The following TOX4 variants were observed in gnomAD, a reference collection of about 807,000 sequenced individuals.
TOX4 encodes the protein epidermal Langerhans cell protein LCP1.
In TOX4, 12 loss-of-function variants were observed where a neutral mutation model predicts 61.0. That is an observed-to-expected ratio of 0.20 (90% confidence interval 0.13 to 0.32). The LOEUF is 0.32. Ranked by LOEUF, TOX4 falls within the 10% of genes least tolerant of loss-of-function variation. The probability of loss-of-function intolerance (pLI) is 1.00; values close to 1 mark genes in which losing one functional copy is unlikely to be tolerated. For missense variants in TOX4, 499 were observed against 753.3 expected, an observed-to-expected ratio of 0.66 and a Z score of 3.95; for synonymous variants, 268 against 274.8, an observed-to-expected ratio of 0.98 and a Z score of 0.24.
rs767260173 is a variant in TOX4 at position 21,498,223 on chromosome 14, T to C, written c.*1617T>C. 6.6e-6 allele frequency: 8 copies of C among 1,206,766 alleles called. No homozygotes were observed. The South Asian group carries it at 9.7e-5, about 15-fold the overall frequency. 74.8% of individuals were successfully genotyped at this position (1,206,766 alleles called of 1,614,324 possible). ...TCTTCAGGTTTAGCTTACAGAGCCATGGCTATGGATTCTTAGCTCTGTAAG... is the reference window on the plus strand; with the variant it reads ...TCTTCAGGTTTAGCTTACAGAGCCACGGCTATGGATTCTTAGCTCTGTAAG... On this transcript the variant is annotated 3_prime_UTR_variant, in exon 9 of 9. Coordinates refer to ENST00000448790, the MANE Select transcript of TOX4 (RefSeq NM_014828.4).
intron 2 of TOX4, among the ~76,000 whole-genome samples, chr14:21,480,435 C>CGGT (rs1284812533): frequency 6.6e-6 from 1 of 151,936 alleles, no homozygotes; most frequent in Non-Finnish European, 1.5e-5. Context: ...CCCTTGGTAG[C>CGGT]GGTGGTAATG....
chr14:21,486,359 G>T (rs571982843), intron 2 of TOX4, among the ~76,000 whole-genome samples: 1 of 106,958 alleles, frequency 9.3e-6, no homozygotes, highest in Admixed American at 8.5e-5. Flanking sequence ...TGGGGTGGGG[G>T]TAATCATTAT....
chr14:21,494,213 C>T (rs546745588), intron 7 of TOX4, among the ~76,000 whole-genome samples: 1 of 152,344 alleles, frequency 6.6e-6, no homozygotes, highest in African/African-American at 2.4e-5. Flanking sequence ...TTTCATTTCT[C>T]CTAGGTCTTA....
chr14:21,494,496 C>G (rs1243251150), intron 7 of TOX4, among the ~76,000 whole-genome samples: 3 of 152,060 alleles, frequency 2.0e-5, no homozygotes, highest in Non-Finnish European at 2.9e-5. Flanking sequence ...GCCTGTAATC[C>G]CAGCACTTTG....
intron 2 of TOX4, among the ~76,000 whole-genome samples, chr14:21,478,870 C>G (rs904367125): frequency 1.3e-5 from 2 of 151,248 alleles, no homozygotes; most frequent in African/African-American, 4.9e-5. Flanking sequence ...GTAGCACGAT[C>G]TTGGCTCACT....
chr14:21,494,872 T>G (rs1277978369), intron 7 of TOX4, among the ~76,000 whole-genome samples: 1 of 152,070 alleles, frequency 6.6e-6, no homozygotes, highest in African/African-American at 2.4e-5. Flanking sequence ...TGAGCTGAGA[T>G]TGTGCCACAG....
At chr14:21,482,857 C>CT (rs11424576) in intron 2 of TOX4, among the ~76,000 whole-genome samples, 75,324 of 150,482 alleles carry the variant, frequency 0.5, 18,878 homozygotes, top group East Asian at 0.63. Context: ...TTACCCTATC[C>CT]TTTTTTTTTA....
chr14:21,479,917 A>T (rs528919834), intron 2 of TOX4, among the ~76,000 whole-genome samples: 55 of 152,250 alleles, frequency 3.6e-4, no homozygotes, highest in African/African-American at 1.3e-3. Flanking sequence ...AAGTTTACCC[A>T]CTGTTCTTAA....
chr14:21,489,149 TTCTC>T lies in TOX4; in HGVS notation c.580-20_580-17del, dbSNP rs763268670. 6.2e-6 allele frequency: 10 copies of T among 1,606,182 alleles called. No individual in the cohort carries two copies. In the South Asian group the frequency reaches 6.7e-5, roughly 11 times the overall value. ...ATACTTGTCATTGTCCATTGTGTAA[TTCTC>T]TCTTTTTTCTCTCCTACAGCAACTT... On this transcript the variant is annotated intron_variant, in intron 4 of 8. Transcript: ENST00000448790.
chr14:21,491,848 A>G (rs1891297492), intron 5 of TOX4, among the ~76,000 whole-genome samples: 2 of 151,358 alleles, frequency 1.3e-5, no homozygotes, highest in African/African-American at 4.8e-5. Context: ...CATCTCTACT[A>G]AAAATACAAA....
chr14:21,488,605 A>T lies in TOX4; in HGVS notation c.334A>T (p.Ile112Leu). Residue 112 changes from isoleucine (I) to leucine (L), a missense_variant, in exon 4 of 9, where the codon ATA becomes TTA. Ile to Leu is a conservative substitution (Grantham distance 5). Transcript: ENST00000448790. ...GGLTMDLDHS[I>L]GTQYSANPPV... ...CTTCTCTCAGGACTTGGACCACTCT[A>T]TAGGAACTCAGTATAGTGCCAACCC... The T allele has an allele frequency of 1.9e-6, 3 of 1,614,148 alleles. No individual in the cohort carries two copies. The highest frequency in any genetic ancestry group is 2.5e-6 in the Non-Finnish European group (3 of 1,180,030).
At chr14:21,483,737 A>G (rs1229053203) in intron 2 of TOX4, among the ~76,000 whole-genome samples, 1 of 147,778 alleles carries the variant, frequency 6.8e-6, no homozygotes, top group Non-Finnish European at 1.5e-5. Context: ...ACTACTGAGA[A>G]AAGTTCAGTT....
At chr14:21,494,309 A>G (rs1891354132) in intron 7 of TOX4, among the ~76,000 whole-genome samples, 1 of 152,180 alleles carries the variant, frequency 6.6e-6, no homozygotes, top group Admixed American at 6.5e-5. Flanking sequence ...TATTTTTTAA[A>G]ACAGACATAA....
At chr14:21,488,947 C>T in intron 4 of TOX4, 97 bp downstream of exon 4, 1 of 1,514,558 alleles carries the variant, frequency 6.6e-7, no homozygotes, top group East Asian at 2.3e-5. Context: ...CCTTGCCGTG[C>T]CATCTCCTCT....
In TOX4 at chr14:21,495,298, C is replaced by T; in HGVS notation, c.1711C>T (p.Arg571Ter). 3 of 1,614,132 alleles carry T rather than the reference C, an allele frequency of 1.9e-6. No homozygotes were observed. Among genetic ancestry groups the T allele is most frequent in the East Asian group, 2.2e-5 (1 of 44,876 alleles). Residue 571 changes from arginine to a stop codon, truncating the protein, a stop_gained, in exon 8 of 9, where the codon CGA becomes TGA. Transcript: ENST00000448790. LOFTEE classifies it high-confidence loss of function. The stretch of plus-strand genomic sequence containing the variant: ...TCCTGTGGCACTCTCACCCCAGCCT[C>T]GATGTGTGAGGTCTGGTTGTGAGAA... ...GSPVALSPQP[R>*]CVRSGCENPP...
chr14:21,477,690 G>T, intron 2 of TOX4, 126 bp downstream of exon 2: 12 of 1,060,486 alleles, frequency 1.1e-5, no homozygotes, highest in Non-Finnish European at 1.5e-5. Flanking sequence ...GGTGTTTAGA[G>T]AAAAGTGGCG....
intron 7 of TOX4, 125 bp from the exon 8 acceptor site, chr14:21,495,104 T>A: frequency 9.6e-7 from 1 of 1,046,800 alleles, no homozygotes; most frequent in Non-Finnish European, 1.4e-6. Context: ...CTTCTGCAGT[T>A]TTGCCCCCCA....
chr14:21,488,924 C>G (rs1217228554), intron 4 of TOX4, 74 bp downstream of exon 4: 2 of 1,574,616 alleles, frequency 1.3e-6, no homozygotes, highest in Non-Finnish European at 8.6e-7. Context: ...AGAGCCTAAT[C>G]AGTATTCTTT....
intron 7 of TOX4, 95 bp from the exon 8 acceptor site, chr14:21,495,134 C>T: frequency 7.1e-7 from 1 of 1,403,168 alleles, no homozygotes; most frequent in South Asian, 1.3e-5. Context: ...ATTCTAATAC[C>T]TGTTGCTTCA....
Sources: gnomAD v4.1 joint callset for allele counts (sites outside exome capture counted in the v4.1 genomes callset) on GRCh38, gnomAD v4.1.1 for gene constraint, MANE v1.5 for transcripts, NCBI Gene and HGNC (gene_info 2026-07-23, HGNC 2026-07-21) for gene names.